NUP210L: variants seen among roughly 807,000 people sequenced by gnomAD.
NUP210L encodes the protein nucleoporin 210 like.
Under a neutral mutation model 208.5 loss-of-function variants are expected in NUP210L, and 74 were observed. That is an observed-to-expected ratio of 0.35 (90% CI 0.29 to 0.43). The LOEUF is 0.43. Ranked by LOEUF, NUP210L falls within the 20% of genes least tolerant of loss-of-function variation. NUP210L has a pLI of 1.00. For missense variants in NUP210L, 1,843 were observed against 2,289.4 expected (o/e 0.81, Z 3.98); for synonymous variants, 780 against 816.9 (o/e 0.95, Z 0.77).
chr1:154,084,502 G>A (rs564115704), intron 16 of NUP210L, among the ~76,000 whole-genome samples: 14 of 152,018 alleles, frequency 9.2e-5, no homozygotes, highest in South Asian at 2.1e-4. Flanking sequence ...ATGAGCCACC[G>A]CACCCGGCCT....
At chr1:154,040,415 G>A (rs1331883851) in intron 27 of NUP210L, among the ~76,000 whole-genome samples, 1 of 151,652 alleles carries the variant, frequency 6.6e-6, no homozygotes, top group Non-Finnish European at 1.5e-5. Flanking sequence ...GAATAAAGGA[G>A]AAAGAAGGAA....
chr1:154,053,850 T>A (rs955208161), intron 25 of NUP210L, among the ~76,000 whole-genome samples: 3 of 152,202 alleles, frequency 2.0e-5, no homozygotes. Context: ...TTTCTGTGTG[T>A]GGGTCTTTAA....
Position 154,037,213 on chromosome 1 carries a change from T to C in NUP210L, c.3697-7159A>G, listed in dbSNP as rs566953593. 3.9e-5 allele frequency among the ~76,000 whole-genome samples: 6 copies of C among 152,330 alleles called. No individual in the cohort carries two copies. In the East Asian group the frequency reaches 1.2e-3, roughly 29 times the overall value. ...TCTATTAGATCCATTTGGTCTATAG[T>C]GCAGAGTAAGTCCGAAGTTTCTTTG... On this transcript the variant is annotated intron_variant, in intron 27 of 39. Coordinates refer to ENST00000368559, the Ensembl canonical transcript of NUP210L.
At chr1:154,127,553 C>CT (rs10531787) in intron 8 of NUP210L, 136 bp from the exon 9 acceptor site, 317 of 184,488 alleles carry the variant, frequency 1.7e-3, no homozygotes, top group Middle Eastern at 3.4e-3. Context: ...AAAGTAGGTT[C>CT]TTTTTTTTTT....
At chr1:153,995,799 T>C (rs1213053911) in intron 37 of NUP210L, 8 of 646,472 alleles carry the variant, frequency 1.2e-5, no homozygotes, top group Non-Finnish European at 2.0e-5. Context: ...TTCAAGGGAT[T>C]CGTGCCGTAA....
chr1:154,049,216 C>A (rs1218426316), intron 25 of NUP210L, among the ~76,000 whole-genome samples: 1 of 151,962 alleles, frequency 6.6e-6, no homozygotes, highest in Non-Finnish European at 1.5e-5. Context: ...TGTGAAGGGC[C>A]CAATGGACAA....
chr1:154,001,745 C>G, exon 36 of NUP210L: 1 of 1,614,094 alleles, frequency 6.2e-7, no homozygotes, highest in South Asian at 1.1e-5. Flanking sequence ...CTCTAGCTTC[C>G]TAAGAACTCT....
intron 16 of NUP210L, among the ~76,000 whole-genome samples, chr1:154,086,571 G>T (rs1175312638): frequency 6.6e-6 from 1 of 152,096 alleles, no homozygotes; most frequent in Non-Finnish European, 1.5e-5. Context: ...AGCACTTTGG[G>T]AGGCCAAGGC....
intron 13 of NUP210L, among the ~76,000 whole-genome samples, chr1:154,103,616 G>C (rs1220358219): frequency 7.0e-6 from 1 of 143,132 alleles, no homozygotes; most frequent in Non-Finnish European, 1.5e-5. Context: ...AGCTTGCAGT[G>C]AGCCGAGATC....
chr1:154,023,092 G>A (rs1488567508), intron 31 of NUP210L, 30 bp downstream of exon 31: 2 of 1,585,274 alleles, frequency 1.3e-6, no homozygotes, highest in South Asian at 1.1e-5. Flanking sequence ...TTCTACCATA[G>A]TGTCAATACC....
At chr1:154,009,459 G>T (rs1650772064) in intron 35 of NUP210L, among the ~76,000 whole-genome samples, 1 of 151,984 alleles carries the variant, frequency 6.6e-6, no homozygotes, top group East Asian at 1.9e-4. Flanking sequence ...TAATAGAAAA[G>T]CACAGGATAT....
intron 27 of NUP210L, among the ~76,000 whole-genome samples, chr1:154,031,725 T>A (rs2147944792): frequency 6.6e-6 from 1 of 151,768 alleles, no homozygotes; most frequent in African/African-American, 2.4e-5. Flanking sequence ...ACATTCCTTT[T>A]TTTTTTTTTT....
intron 10 of NUP210L, among the ~76,000 whole-genome samples, chr1:154,122,241 G>GCA (rs2148107691): frequency 6.6e-6 from 1 of 152,114 alleles, no homozygotes; most frequent in Non-Finnish European, 1.5e-5. Context: ...GTGAATGGCT[G>GCA]TATATATATT....
intron 27 of NUP210L, among the ~76,000 whole-genome samples, chr1:154,032,654 A>C (rs557721218): frequency 6.5e-4 from 98 of 151,910 alleles, no homozygotes; most frequent in Middle Eastern, 3.4e-3. Context: ...GTGGTGGCTC[A>C]TGCCTGTAAT....
intron 25 of NUP210L, among the ~76,000 whole-genome samples, chr1:154,053,619 T>C (rs1310297821): frequency 6.6e-6 from 1 of 152,176 alleles, no homozygotes; most frequent in Non-Finnish European, 1.5e-5. Flanking sequence ...CCACAAACAA[T>C]AGCATGAGCA....
At chr1:154,142,610 G>A (rs1450060113) in intron 3 of NUP210L, among the ~76,000 whole-genome samples, 1 of 152,178 alleles carries the variant, frequency 6.6e-6, no homozygotes, top group Non-Finnish European at 1.5e-5. Context: ...AAAGTTCGGA[G>A]GCCAGTGCGG....
intron 2 of NUP210L, among the ~76,000 whole-genome samples, chr1:154,147,467 A>G (rs1171168877): frequency 1.3e-5 from 2 of 151,734 alleles, no homozygotes; most frequent in Non-Finnish European, 2.9e-5. Flanking sequence ...CCTCCTGAGT[A>G]GCTGGGGTTA....
intron 10 of NUP210L, among the ~76,000 whole-genome samples, chr1:154,124,735 T>C (rs1436244032): frequency 6.6e-6 from 1 of 152,186 alleles, no homozygotes; most frequent in African/African-American, 2.4e-5. Context: ...GAGGAACACT[T>C]GAGCCTAGGA....
At chr1:154,129,312 T>C (rs1197505803) in exon 8 of NUP210L, 5 of 1,611,356 alleles carry the variant, frequency 3.1e-6, no homozygotes, top group Non-Finnish European at 2.5e-6. Context: ...TATGGTGCAA[T>C]TTGGGAGTCC....
Sources: gnomAD v4.1 joint callset for allele counts (sites outside exome capture counted in the v4.1 genomes callset) on GRCh38, gnomAD v4.1.1 for gene constraint, MANE v1.5 for transcripts, NCBI Gene and HGNC (gene_info 2026-07-23, HGNC 2026-07-21) for gene names.